Variants in CLCN3 observed in about 807,000 individuals in gnomAD.
The protein encoded by CLCN3 is H(+)/Cl(-) exchange transporter 3.
CLCN3 carries 16 observed loss-of-function variants against 83.4 expected under a neutral mutation model. The ratio of observed to expected loss-of-function variants is 0.19; its 90% CI spans 0.13 to 0.29. The LOEUF (loss-of-function observed/expected upper bound fraction) is 0.29, where lower values mean the gene tolerates loss of function less well. Ranked by LOEUF, CLCN3 falls within the 10% of genes least tolerant of loss-of-function variation. The pLI, the probability that CLCN3 is intolerant of heterozygous loss-of-function variation, is 1.00. For synonymous variants in CLCN3, 322 were observed against 346.2 expected (o/e 0.93, Z 0.78); for missense variants, 544 against 1,006.0 (o/e 0.54, Z 6.21).
At chr4:169,641,365 G>C (rs1560831499) in intron 2 of CLCN3, among the ~76,000 whole-genome samples, 1 of 152,176 alleles carries the variant, frequency 6.6e-6, no homozygotes, top group Non-Finnish European at 1.5e-5. Flanking sequence ...ATGGAATCCA[G>C]AGAAATTACA....
intron 1 of CLCN3, among the ~76,000 whole-genome samples, chr4:169,622,113 C>G (rs950729019): frequency 1.3e-5 from 2 of 152,186 alleles, no homozygotes; most frequent in Non-Finnish European, 2.9e-5. Context: ...CTCCCCTCAG[C>G]ACCTCGAAAA....
intron 2 of CLCN3, among the ~76,000 whole-genome samples, chr4:169,666,447 G>A (rs1228994342): frequency 6.6e-6 from 1 of 152,218 alleles, no homozygotes; most frequent in South Asian, 2.1e-4. Context: ...TTCTGCTAAA[G>A]CATAAGGATG....
Position 169,722,809 on chromosome 4 carries a change from C to T in CLCN3, c.*2812C>T, listed in dbSNP as rs537935252. ...ATTTAGTGGTTTTCTTTGGTGTTATCTGTTCCATTTTTCTTTTTCATACAT... is the reference window on the plus strand; with the variant it reads ...ATTTAGTGGTTTTCTTTGGTGTTATTTGTTCCATTTTTCTTTTTCATACAT... On this transcript the variant is annotated 3_prime_UTR_variant, in exon 13 of 13. Transcript: ENST00000513761. 29 of 152,228 alleles carry T rather than the reference C, an allele frequency of 1.9e-4. No homozygotes were observed. Among genetic ancestry groups the T allele is most frequent in the African/African-American group, 6.7e-4 (28 of 41,540 alleles). 9.4% of individuals were successfully genotyped at this position (152,228 alleles called of 1,614,324 possible). A position where few individuals can be genotyped will look rare whatever the true frequency, so the allele number is the denominator to read the frequency against.
intron 12 of CLCN3, among the ~76,000 whole-genome samples, chr4:169,716,966 A>G (rs1733445293): frequency 6.6e-6 from 1 of 152,074 alleles, no homozygotes; most frequent in African/African-American, 2.4e-5. Context: ...AGGTTTTTTT[A>G]TTTTCACTGT....
intron 5 of CLCN3, 43 bp from the exon 6 acceptor site, chr4:169,690,487 C>T: frequency 1.9e-6 from 3 of 1,585,092 alleles, no homozygotes; most frequent in Non-Finnish European, 2.6e-6. Flanking sequence ...ATTAGAGGTG[C>T]AATGTAAATT....
intron 6 of CLCN3, among the ~76,000 whole-genome samples, chr4:169,691,164 A>G (rs900145829): frequency 6.6e-6 from 1 of 151,580 alleles, no homozygotes; most frequent in Non-Finnish European, 1.5e-5. Context: ...ATGCCCTGCT[A>G]ATTTTTGCAT....
intron 1 of CLCN3, among the ~76,000 whole-genome samples, chr4:169,635,349 A>G (rs1773475647): frequency 6.6e-6 from 1 of 152,204 alleles, no homozygotes; most frequent in Non-Finnish European, 1.5e-5. Context: ...AGTAAGAACA[A>G]TGAAAACATA....
chr4:169,699,359 C>T (rs1446688994), intron 9 of CLCN3, among the ~76,000 whole-genome samples: 1 of 152,176 alleles, frequency 6.6e-6, no homozygotes, highest in African/African-American at 2.4e-5. Flanking sequence ...TCTTATGTGA[C>T]TATCAGTGAT....
chr4:169,642,176 C>T (rs1402089007), intron 2 of CLCN3, among the ~76,000 whole-genome samples: 1 of 152,066 alleles, frequency 6.6e-6, no homozygotes, highest in Non-Finnish European at 1.5e-5. Context: ...GCAAGCTCTC[C>T]TCCTGCCTCA....
intron 4 of CLCN3, among the ~76,000 whole-genome samples, chr4:169,688,363 T>C (rs11940555): frequency 0.12 from 17,610 of 152,260 alleles, 1,119 homozygotes; most frequent in East Asian, 0.17. Flanking sequence ...GTTGAGGACC[T>C]GAAAACAAAT....
At chr4:169,716,628 T>C (rs534104887) in intron 12 of CLCN3, among the ~76,000 whole-genome samples, 11 of 152,278 alleles carry the variant, frequency 7.2e-5, no homozygotes, top group Non-Finnish European at 1.5e-4. Context: ...GTTGCTCCCA[T>C]GCTCTGAGAA....
intron 2 of CLCN3, among the ~76,000 whole-genome samples, chr4:169,663,344 G>A (rs1290915042): frequency 8.2e-6 from 1 of 122,422 alleles, no homozygotes; most frequent in Non-Finnish European, 1.8e-5. Context: ...TGTTGTTGTT[G>A]TTTTCTTAAG....
chr4:169,636,149 A>G (rs1482057352), intron 2 of CLCN3, 61 bp downstream of exon 2: 2 of 1,413,636 alleles, frequency 1.4e-6, no homozygotes, highest in Non-Finnish European at 1.9e-6. Flanking sequence ...AAATATGTAC[A>G]CTATTTTATT....
At position 169,697,671 on chromosome 4, in the gene CLCN3, A is replaced by T; in HGVS notation, c.1500A>T (p.Ile500=). The change falls in exon 9 of 13, where the codon ATA becomes ATT. Residue 500 remains isoleucine (I), a synonymous_variant. Transcript: ENST00000513761. ...CAGGCATTGGAGTATATTCAGCTAT[A>T]TGGCAGTTATGCCTGGCACTCATAT... is the stretch of plus-strand genomic sequence containing the variant. ...RPAGIGVYSA[I]WQLCLALIFK... is the part of the protein sequence containing the mutation. 1 of 1,613,818 alleles carries T rather than the reference A, an allele frequency of 6.2e-7. No homozygotes were observed. Among genetic ancestry groups the T allele is most frequent in the South Asian group, 1.1e-5 (1 of 91,070 alleles).
chr4:169,666,740 G>A (rs1051166324), intron 2 of CLCN3, among the ~76,000 whole-genome samples: 2 of 152,198 alleles, frequency 1.3e-5, no homozygotes, highest in Non-Finnish European at 2.9e-5. Flanking sequence ...GAGAATCAAA[G>A]TGCTAGAGTT....
chr4:169,691,364 A>G (rs1164620282), intron 6 of CLCN3, among the ~76,000 whole-genome samples: 2 of 152,164 alleles, frequency 1.3e-5, no homozygotes, highest in African/African-American at 2.4e-5. Flanking sequence ...CCTTTTGATT[A>G]GATAAGTTAA....
chr4:169,635,451 A>T (rs1268650832), intron 1 of CLCN3, among the ~76,000 whole-genome samples: 1 of 152,132 alleles, frequency 6.6e-6, no homozygotes, highest in Non-Finnish European at 1.5e-5. Flanking sequence ...GGATGAAAGG[A>T]GAATGAAATA....
intron 2 of CLCN3, among the ~76,000 whole-genome samples, chr4:169,662,131 T>G (rs775648184): frequency 5.3e-5 from 8 of 152,132 alleles, no homozygotes; most frequent in Non-Finnish European, 1.2e-4. Flanking sequence ...TCAAAACTTA[T>G]GTGAGAGTAG....
chr4:169,626,520 C>A (rs1773239374), intron 1 of CLCN3, among the ~76,000 whole-genome samples: 1 of 152,238 alleles, frequency 6.6e-6, no homozygotes, highest in Non-Finnish European at 1.5e-5. Flanking sequence ...CTTCCAGGGT[C>A]TGGGGCAAGC....
Sources: gnomAD v4.1 joint callset for allele counts (sites outside exome capture counted in the v4.1 genomes callset) on GRCh38, gnomAD v4.1.1 for gene constraint, MANE v1.5 for transcripts, NCBI Gene and HGNC (gene_info 2026-07-23, HGNC 2026-07-21) for gene names.